ZNF728: variants seen among roughly 807,000 people sequenced by gnomAD.
ZNF728 encodes zinc finger protein 728.
ZNF728 carries 12 observed loss-of-function variants against 12.5 expected under a neutral mutation model. The observed-to-expected ratio is 0.96, with a 90% CI of 0.61 to 1.55. The LOEUF (loss-of-function observed/expected upper bound fraction) is 1.55. ZNF728 is among the 40% of genes most tolerant of loss of function. The pLI is 0.00. For missense variants in ZNF728, 692 were observed against 719.2 expected (o/e 0.96, Z 0.43); for synonymous variants, 205 against 240.7 (o/e 0.85, Z 1.37).
intron 1 of ZNF728, among the ~76,000 whole-genome samples, chr19:23,000,300 C>G (rs1329804787): frequency 6.6e-6 from 1 of 151,642 alleles, no homozygotes; most frequent in African/African-American, 2.4e-5. Flanking sequence ...ATGGCGTAAA[C>G]CCTGGAGACA....
At chr19:22,982,593 G>A (rs1361462720) in intron 3 of ZNF728, among the ~76,000 whole-genome samples, 1 of 152,088 alleles carries the variant, frequency 6.6e-6, no homozygotes, top group African/African-American at 2.4e-5. Context: ...CATGCTACCT[G>A]ACTTGTAGTA....
Position 22,975,884 on chromosome 19 carries a change from A to G in ZNF728, c.1453T>C (p.Cys485Arg). The change falls in exon 4 of 4, where the codon TGT (cysteine) becomes CGT (arginine). Residue 485 changes from cysteine to arginine, a missense_variant. Physicochemically the swap from Cys to Arg is radical, Grantham distance 180. Transcript: ENST00000594710. Reference protein sequence around the residue: ...AGEKLYKCEECGKAFKWSSNL... With the variant: ...AGEKLYKCEERGKAFKWSSNL... ...GAGGACCACTTAAAGGCTTTGCCAC[A>G]TTCTTCACATTTGTAGAGTTTCTCT... 6.2e-7 allele frequency: 1 copy of G among 1,606,358 alleles called. No homozygotes were observed. The highest frequency in any genetic ancestry group is 8.5e-7 in the Non-Finnish European group (1 of 1,174,340).
chr19:22,975,814 T>C lies in ZNF728; in HGVS notation c.1523A>G (p.Tyr508Cys), dbSNP rs1240489127. 1.2e-6 allele frequency: 2 copies of C among 1,612,376 alleles called. No individual in the cohort carries two copies. The highest frequency in any genetic ancestry group is 1.7e-6 in the Non-Finnish European group (2 of 1,179,488). ...GGCTTTGCCACATTCTTCACATTTG[T>C]AGGGTTTCTCTCCAGTATGAATTCT... ...HKRIHTGEKPYKCEECGKAFS... is the reference protein window; with the variant it reads ...HKRIHTGEKPCKCEECGKAFS... The change falls in exon 4 of 4, where the codon TAC becomes TGC. Residue 508 changes from tyrosine (Y) to cysteine (C), a missense_variant. Tyr to Cys is a radical substitution (Grantham distance 194). Around this residue, in one of 3 missense-constraint regions of ZNF728, gnomAD observed 244 missense variants for 235.2 expected, o/e 1.04. Transcript: ENST00000594710.
Position 22,985,922 on chromosome 19 carries a change from T to G in ZNF728, c.226+1386A>C, listed in dbSNP as rs575095051. The stretch of plus-strand genomic sequence containing the variant: ...ACATCCTAATATAAAGCCCACCATA[T>G]GCAGACCTGACTGCAGAAACCTGCC... On this transcript the variant is annotated intron_variant, in intron 3 of 3. Transcript: ENST00000594710. 14 of 160,282 alleles carry G rather than the reference T, an allele frequency of 8.7e-5. No individual in the cohort carries two copies. In the East Asian group the frequency reaches 2.4e-3, roughly 27 times the overall value. The allele number at this position is 160,282 out of a possible 1,614,324, so 9.9% of individuals were successfully genotyped here.
chr19:22,993,757 T>C (rs906700218), intron 1 of ZNF728, among the ~76,000 whole-genome samples: 1 of 152,208 alleles, frequency 6.6e-6, no homozygotes, highest in African/African-American at 2.4e-5. Context: ...ATTAGTTTAA[T>C]TTATAGCTAC....
chr19:22,975,997 G>A lies in ZNF728; in HGVS notation c.1340C>T (p.Thr447Ile). 6.2e-7 allele frequency: 1 copy of A among 1,612,142 alleles called. No homozygotes were observed. The highest frequency in any genetic ancestry group is 8.5e-7 in the Non-Finnish European group (1 of 1,179,560). Residue 447 changes from threonine to isoleucine, a missense_variant, in exon 4 of 4, where the codon ACT becomes ATT. Physicochemically the swap from Thr to Ile is moderately conservative, Grantham distance 89. Transcript: ENST00000594710. The stretch of plus-strand genomic sequence containing the variant: ...TTCACATTTGTAGTGTTTCTCTCCA[G>A]TATGAATTACTTTATGTTTAGTAAG... ...SSLTKHKVIH[T>I]GEKHYKCEEC...
chr19:22,988,519 G>A, intron 1 of ZNF728, 68 bp from the exon 2 acceptor site: 1 of 1,587,982 alleles, frequency 6.3e-7, no homozygotes, highest in South Asian at 1.2e-5. Context: ...TTTGACTCAA[G>A]GTAAAATGGA....
intron 3 of ZNF728, among the ~76,000 whole-genome samples, chr19:22,980,543 T>C (rs1968851341): frequency 6.6e-6 from 1 of 152,146 alleles, no homozygotes; most frequent in Admixed American, 6.6e-5. Flanking sequence ...AACAGACATC[T>C]ACAGAACTCT....
Position 22,977,065 on chromosome 19 carries a change from C to T in ZNF728, c.272G>A (p.Arg91Lys), listed in dbSNP as rs1968814450. 1 of 1,608,380 alleles carries T rather than the reference C, an allele frequency of 6.2e-7. No homozygotes were observed. The highest frequency in any genetic ancestry group is 1.3e-5 in the African/African-American group (1 of 74,628). The change falls in exon 4 of 4, where the codon AGA (arginine) becomes AAA (lysine). Residue 91 changes from arginine to lysine, a missense_variant. Coordinates refer to ENST00000594710, the MANE Select transcript of ZNF728 (RefSeq NM_001267716.2). ...TATCACTTTTTGGAAAGAATCTTCTCTGCCCTGCTCTGGCCAAAGGTCTTG... is the reference window on the plus strand; with the variant it reads ...TATCACTTTTTGGAAAGAATCTTCTTTGCCCTGCTCTGGCCAAAGGTCTTG... The part of the protein sequence containing the change: ...FAQDLWPEQG[R>K]EDSFQKVILR...
At chr19:22,990,259 A>G (rs77684318) in intron 1 of ZNF728, among the ~76,000 whole-genome samples, 1 of 139,744 alleles carries the variant, frequency 7.2e-6, no homozygotes, top group Non-Finnish European at 1.5e-5. Flanking sequence ...CATTTAGCTG[A>G]AAAAAAAAAA....
chr19:22,994,822 G>GT (rs1969031530), intron 1 of ZNF728: 1 of 152,244 alleles, frequency 6.6e-6, no homozygotes, highest in Admixed American at 6.5e-5. Context: ...CTGGGCTTGA[G>GT]TACTCCTGTT....
intron 1 of ZNF728, among the ~76,000 whole-genome samples, chr19:22,995,588 C>A: frequency 6.6e-6 from 1 of 152,104 alleles, no homozygotes; most frequent in Non-Finnish European, 1.5e-5. Context: ...TAGGCACGCG[C>A]CACCACACCC....
intron 3 of ZNF728, among the ~76,000 whole-genome samples, chr19:22,980,267 A>T (rs1968848597): frequency 6.6e-6 from 1 of 151,958 alleles, no homozygotes; most frequent in Non-Finnish European, 1.5e-5. Flanking sequence ...ACCAACAAAG[A>T]TCAAAAGAGA....
At chr19:22,986,450 T>C (rs1968918164) in intron 3 of ZNF728, among the ~76,000 whole-genome samples, 1 of 152,162 alleles carries the variant, frequency 6.6e-6, no homozygotes, top group African/African-American at 2.4e-5. Flanking sequence ...TAAGTTATGA[T>C]TCCATACACT....
rs781376861 is a variant in ZNF728 at position 22,976,775 on chromosome 19, G to A, written c.562C>T (p.Leu188=). 5 of 1,613,430 alleles carry A rather than the reference G, an allele frequency of 3.1e-6. No individual in the cohort carries two copies. The East Asian group carries it at 8.9e-5, about 29-fold the overall frequency. Residue 188 remains leucine (L), a synonymous_variant, in exon 4 of 4, where the codon CTA becomes TTA. Coordinates refer to ENST00000594710, the MANE Select transcript of ZNF728 (RefSeq NM_001267716.2). ...YVRSFCMLSH[L]SQHKRIYTRE... ...GTATAAATTCTTTTATGTTGAGATAGGTGTGAAAGCATGCAAAATGATCTG... is the reference window on the plus strand; with the variant it reads ...GTATAAATTCTTTTATGTTGAGATAAGTGTGAAAGCATGCAAAATGATCTG...
Position 23,002,432 on chromosome 19 carries a change from T to C in ZNF728, c.3+596A>G, listed in dbSNP as rs112077270. 8.8e-3 allele frequency among the ~76,000 whole-genome samples: 1,346 copies of C among 152,344 alleles called. 11 individuals are homozygous for C. The highest frequency in any genetic ancestry group is 0.018 in the South Asian group (89 of 4,832). ...ATTACATAACCAAGAAATTTCCATC[T>C]TGATAGTACGAATTAAGAAACTACG... On this transcript the variant is annotated intron_variant, in intron 1 of 3. Transcript: ENST00000594710.
intron 1 of ZNF728, among the ~76,000 whole-genome samples, chr19:22,999,467 TG>T (rs1166418797): frequency 6.6e-6 from 1 of 152,150 alleles, no homozygotes; most frequent in Non-Finnish European, 1.5e-5. Context: ...GTAAGCAGGC[TG>T]GGACATCTGC....
In ZNF728 at chr19:22,984,816, G is replaced by A. The variant is rs1968898707; in HGVS notation, c.226+2492C>T. ...ATATAGAATTTCAAAAGACAATAAA[G>A]TTCCCAACAATCTTAAAATAATAAT... is the stretch of plus-strand genomic sequence containing the variant. On this transcript the variant is annotated intron_variant, in intron 3 of 3. Coordinates refer to ENST00000594710, the MANE Select transcript of ZNF728 (RefSeq NM_001267716.2). Among the ~76,000 whole-genome samples, 3 of 151,892 alleles carry A rather than the reference G, an allele frequency of 2.0e-5. No individual in the cohort carries two copies. In the South Asian group the frequency reaches 6.2e-4, roughly 32 times the overall value.
intron 1 of ZNF728, among the ~76,000 whole-genome samples, chr19:23,001,856 A>T (rs1969116583): frequency 6.6e-6 from 1 of 152,198 alleles, no homozygotes. Flanking sequence ...TTTTACTGCA[A>T]GCCAGAGTCA....
Sources: gnomAD v4.1 joint callset for allele counts (sites outside exome capture counted in the v4.1 genomes callset) on GRCh38, gnomAD v4.1.1 for gene constraint, gnomAD v4.1.1 regional missense constraint, MANE v1.5 for transcripts, NCBI Gene and HGNC (gene_info 2026-07-23, HGNC 2026-07-21) for gene names.